SAMD5: variants seen among roughly 807,000 people sequenced by gnomAD.
The protein encoded by SAMD5 is sterile alpha motif domain containing 5.
A neutral mutation model predicts 11.3 loss-of-function variants in SAMD5; 13 were observed. The ratio of observed to expected loss-of-function variants is 1.15; its 90% CI spans 0.75 to 1.83. SAMD5 has a LOEUF of 1.83. SAMD5 is among the 40% of genes most tolerant of loss of function. The pLI is 0.00. For synonymous variants in SAMD5, 129 were observed against 111.3 expected (o/e 1.16, Z -1.00); for missense variants, 255 against 239.1 (o/e 1.07, Z -0.44).
intron 1 of SAMD5, among the ~76,000 whole-genome samples, chr6:147,701,652 CAA>C (rs35003792): frequency 0.026 from 3,550 of 136,864 alleles, 158 homozygotes; most frequent in African/African-American, 0.093. Flanking sequence ...TAGTCTGTCT[CAA>C]AAAAAAAAAA....
chr6:147,722,426 C>T (rs1039286721), intron 1 of SAMD5, among the ~76,000 whole-genome samples: 2 of 152,200 alleles, frequency 1.3e-5, no homozygotes, highest in Non-Finnish European at 2.9e-5. Flanking sequence ...TTTATGCCCT[C>T]GTCATCCATC....
the SAMD5 span, among the ~76,000 whole-genome samples, chr6:147,799,980 G>A: frequency 0.016 from 2,471 of 151,844 alleles, 26 homozygotes; most frequent in South Asian, 0.026. Flanking sequence ...CTAAATTTTT[G>A]TCAAAGTTTT....
chr6:147,707,316 A>T (rs1161587311), intron 1 of SAMD5, among the ~76,000 whole-genome samples: 1 of 152,204 alleles, frequency 6.6e-6, no homozygotes, highest in Non-Finnish European at 1.5e-5. Context: ...AGTAATTAAA[A>T]TTTTTTGTGA....
chr6:147,738,544 C>T (rs1463009609), downstream of SAMD5, among the ~76,000 whole-genome samples: 1 of 152,134 alleles, frequency 6.6e-6, no homozygotes, highest in Non-Finnish European at 1.5e-5. Context: ...GAATACTTGG[C>T]TTCATTATGA....
In SAMD5 at chr6:147,515,176, G is replaced by GTTTTTT. The variant is rs71031029; in HGVS notation, c.459+5815_459+5820dup. Among the ~76,000 whole-genome samples the GTTTTTT allele has an allele frequency of 4.0e-4, 30 of 75,036 alleles. 1 individual carries two copies. The highest frequency in any genetic ancestry group is 6.5e-4 in the Non-Finnish European group (26 of 39,914). The allele number at this position is 75,036 out of a possible 152,430, so 49.2% of individuals were successfully genotyped here. A position where few individuals can be genotyped will look rare whatever the true frequency, so the allele number is the denominator to read the frequency against. On this transcript the variant is annotated intron_variant, in intron 1 of 1. Transcript: ENST00000367474. ...ATACCCTCAACCTATATCCTTCCAG[G>GTTTTTT]TTTTTTTTTTTTTTTTTTTTTTTTT...
chr6:147,878,561 T>C, the SAMD5 span, among the ~76,000 whole-genome samples: 1 of 147,128 alleles, frequency 6.8e-6, no homozygotes, highest in African/African-American at 2.5e-5. Context: ...TATAAAGATA[T>C]ATATACTAGA....
chr6:147,950,083 C>G, the SAMD5 span, among the ~76,000 whole-genome samples: 1 of 152,022 alleles, frequency 6.6e-6, no homozygotes, highest in Non-Finnish European at 1.5e-5. Flanking sequence ...GAATATGAAG[C>G]CTGGAATAGA....
At chr6:147,553,230 G>T (rs1788801579) in intron 1 of SAMD5, among the ~76,000 whole-genome samples, 1 of 152,172 alleles carries the variant, frequency 6.6e-6, no homozygotes, top group Admixed American at 6.5e-5. Context: ...AGAATGGTTA[G>T]GTTGGGTAAT....
Position 147,565,067 on chromosome 6 carries a change from A to G in SAMD5, c.*611A>G, listed in dbSNP as rs1458379763. ...CAATGTTAAAGGTGATGAATTAAGGAACATCACCAAGAGAGGACAATTTCT... is the reference window on the plus strand; with the variant it reads ...CAATGTTAAAGGTGATGAATTAAGGGACATCACCAAGAGAGGACAATTTCT... On this transcript the variant is annotated 3_prime_UTR_variant, in exon 2 of 2. Coordinates refer to ENST00000367474, the MANE Select transcript of SAMD5 (RefSeq NM_001030060.3). The G allele has an allele frequency of 1.0e-6, 1 of 979,826 alleles. No homozygotes were observed. Among genetic ancestry groups the G allele is most frequent in the African/African-American group, 1.8e-5 (1 of 57,122 alleles). 60.7% of individuals were successfully genotyped at this position (979,826 alleles called of 1,614,324 possible).
At chr6:147,730,126 T>C (rs1014873190) in intron 1 of SAMD5, 37 of 428,438 alleles carry the variant, frequency 8.6e-5, no homozygotes, top group Non-Finnish European at 1.5e-4. Context: ...TGGGTAGGGC[T>C]ACAGCAGAGT....
chr6:147,895,825 C>G, the SAMD5 span, among the ~76,000 whole-genome samples: 1 of 152,134 alleles, frequency 6.6e-6, no homozygotes, highest in Admixed American at 6.5e-5. Flanking sequence ...AAAGCCTTCC[C>G]CTGTAGACAG....
At chr6:147,789,937 C>G in the SAMD5 span, among the ~76,000 whole-genome samples, 4 of 152,188 alleles carry the variant, frequency 2.6e-5, no homozygotes, top group Non-Finnish European at 4.4e-5. Context: ...CCTGACGATA[C>G]TAATCATTGC....
chr6:147,821,897 T>C, the SAMD5 span, among the ~76,000 whole-genome samples: 7 of 152,182 alleles, frequency 4.6e-5, no homozygotes, highest in Non-Finnish European at 1.0e-4. Context: ...GTATTTTATA[T>C]CTTTATATCC....
chr6:147,545,686 GTATA>G (rs1295124652), intron 1 of SAMD5, among the ~76,000 whole-genome samples: 1 of 152,058 alleles, frequency 6.6e-6, no homozygotes, highest in African/African-American at 2.4e-5. Flanking sequence ...ATATATGTGT[GTATA>G]TATTTATACT....
chr6:147,532,601 A>C (rs1485755394), intron 1 of SAMD5, among the ~76,000 whole-genome samples: 2 of 152,202 alleles, frequency 1.3e-5, no homozygotes, highest in Non-Finnish European at 2.9e-5. Flanking sequence ...AAGTTTGTGC[A>C]TGTGTCTTTT....
At chr6:147,617,580 T>C (rs1037807788) in intron 1 of SAMD5, among the ~76,000 whole-genome samples, 1 of 152,244 alleles carries the variant, frequency 6.6e-6, no homozygotes, top group African/African-American at 2.4e-5. Flanking sequence ...CATGGCAGTA[T>C]CTATTCTGGA....
intron 1 of SAMD5, among the ~76,000 whole-genome samples, chr6:147,510,212 G>A (rs1046247352): frequency 6.6e-6 from 1 of 152,192 alleles, no homozygotes; most frequent in African/African-American, 2.4e-5. Flanking sequence ...CTGCACCGGG[G>A]GCCTCAGGGA....
chr6:147,549,185 G>C (rs951557893), intron 1 of SAMD5, among the ~76,000 whole-genome samples: 1 of 152,216 alleles, frequency 6.6e-6, no homozygotes, highest in Non-Finnish European at 1.5e-5. Context: ...CATCCTGACT[G>C]ATAAACGCCT....
intron 1 of SAMD5, among the ~76,000 whole-genome samples, chr6:147,625,558 T>C (rs901856520): frequency 6.6e-6 from 1 of 152,196 alleles, no homozygotes; most frequent in Non-Finnish European, 1.5e-5. Flanking sequence ...TAAGGATATA[T>C]TAAGATTCCT....
Sources: gnomAD v4.1 joint callset for allele counts (sites outside exome capture counted in the v4.1 genomes callset) on GRCh38, gnomAD v4.1.1 for gene constraint, MANE v1.5 for transcripts, NCBI Gene and HGNC (gene_info 2026-07-23, HGNC 2026-07-21) for gene names.